Variants in TARBP2 observed in about 807,000 individuals in gnomAD.
TARBP2 encodes TARBP2 subunit of RISC loading complex.
TARBP2 carries 23 observed loss-of-function variants against 40.4 expected under a neutral mutation model. The observed-to-expected ratio is 0.57, with a 90% CI of 0.41 to 0.81. TARBP2 has a LOEUF of 0.81. Among genes scored for constraint, TARBP2 ranks in the 30% least tolerant of loss-of-function variants. TARBP2 has a pLI of 0.00. For missense variants in TARBP2, 358 were observed against 473.7 expected, an observed-to-expected ratio of 0.76 and a Z score of 2.27; for synonymous variants, 183 against 190.5, an observed-to-expected ratio of 0.96 and a Z score of 0.32.
At position 53,504,383 on chromosome 12, in the gene TARBP2, GCCTTTTCCTTCAGGAGCCCCCCCATGGAA is replaced by G. The variant is rs1943862075; in HGVS notation, c.423-12_439del. The stretch of plus-strand genomic sequence containing the variant: ...CCCTTCACCTCAACTTTGGCCCTGT[GCCTTTTCCTTCAGGAGCCCCCCCATGGAA>G]CTGCAGCCCCCTGTCTCCCCTCAGC... On this transcript the variant is annotated splice_acceptor_variant and splice_polypyrimidine_tract_variant and coding_sequence_variant and intron_variant, in exon 5 of 9. Coordinates refer to ENST00000266987, the MANE Select transcript of TARBP2 (RefSeq NM_134323.2). LOFTEE classifies it high-confidence loss of function. The G allele has an allele frequency of 6.4e-7, 1 of 1,550,914 alleles. No homozygotes were observed. Among genetic ancestry groups the G allele is most frequent in the African/African-American group, 1.4e-5 (1 of 72,290 alleles).
intron 3 of TARBP2, 66 bp downstream of exon 3, chr12:53,503,195 GC>G (rs1943797329): frequency 6.8e-6 from 10 of 1,473,552 alleles, no homozygotes; most frequent in Non-Finnish European, 9.0e-6. Flanking sequence ...CACCCACTCT[GC>G]CCCGAGGCCT....
rs1373114872 is a variant in TARBP2 at position 53,505,693 on chromosome 12, T to A, written c.786T>A (p.Gly262=). ...RLDGLRNRGP[G]CTWDSLRNSV... ...ATGGTCTTCGAAACCGGGGCCCAGGTTGCACCTGGGATTCTCTACGAAATT... is the reference window on the plus strand; with the variant it reads ...ATGGTCTTCGAAACCGGGGCCCAGGATGCACCTGGGATTCTCTACGAAATT... The change falls in exon 8 of 9, where the codon GGT becomes GGA. Residue 262 remains glycine (G), a synonymous_variant. Transcript: ENST00000266987. The surrounding 1 kb of genome is among the most constrained non-coding windows in gnomAD (Gnocchi z 4.5). 2 of 1,614,094 alleles carry A rather than the reference T, an allele frequency of 1.2e-6. No homozygotes were observed. Among genetic ancestry groups the A allele is most frequent in the African/African-American group, 2.7e-5 (2 of 75,016 alleles).
chr12:53,506,237 T>A lies in TARBP2; in HGVS notation c.*89T>A. 6.9e-7 allele frequency: 1 copy of A among 1,451,280 alleles called. No individual in the cohort carries two copies. The highest frequency in any genetic ancestry group is 9.3e-7 in the Non-Finnish European group (1 of 1,078,626). The allele number at this position is 1,451,280 out of a possible 1,614,324, so 89.9% of individuals were successfully genotyped here. ...GTATCTGCGCAGCTCTGGTACCCTC[T>A]GTGGGTGCCATCTCTACCTCTGACA... On this transcript the variant is annotated 3_prime_UTR_variant, in exon 9 of 9. Transcript: ENST00000266987.
At position 53,506,384 on chromosome 12, in the gene TARBP2, G is replaced by GCTGT; in HGVS notation, c.*239_*242dup. 1.8e-6 allele frequency: 1 copy of GCTGT among 569,322 alleles called. No homozygotes were observed. The highest frequency in any genetic ancestry group is 2.9e-5 in the East Asian group (1 of 34,748). The allele number at this position is 569,322 out of a possible 1,614,324, so 35.3% of individuals were successfully genotyped here. ...TGATGAATGGGAATGAAATCAGGGG[G>GCTGT]CTGTCTACTAGAGCCTGGAATAAAT... On this transcript the variant is annotated 3_prime_UTR_variant, in exon 9 of 9. Coordinates refer to ENST00000266987, the MANE Select transcript of TARBP2 (RefSeq NM_134323.2).
Position 53,505,105 on chromosome 12 carries a change from A to G in TARBP2, c.614-30A>G. On this transcript the variant is annotated intron_variant, in intron 6 of 8. Transcript: ENST00000266987. This position sits in a 1 kb window ranked among gnomAD's most constrained non-coding sequence, Gnocchi z 4.5. The stretch of plus-strand genomic sequence containing the variant: ...GGAAGCACTGGGTCTGTGGGGAATC[A>G]TAACCCAGCAGCCCTCTCTCCACAT... The G allele has an allele frequency of 6.3e-7, 1 of 1,580,348 alleles. No homozygotes were observed. The highest frequency in any genetic ancestry group is 1.1e-5 in the South Asian group (1 of 87,550).
chr12:53,506,062 G>T lies in TARBP2; in HGVS notation c.1015G>T (p.Gly339Cys), dbSNP rs753692741. The part of the protein sequence containing the change: ...LSTQPATVCH[G>C]SATTREAARG... ...CACCCAGCCGGCCACTGTGTGTCAT[G>T]GCTCTGCAACCACCAGGGAGGCAGC... Residue 339 changes from glycine to cysteine, a missense_variant, in exon 9 of 9, where the codon GGC (glycine) becomes TGC (cysteine). This residue lies in a region of TARBP2 where 317 missense variants were observed against 422.9 expected (regional missense o/e 0.75). Coordinates refer to ENST00000266987, the MANE Select transcript of TARBP2 (RefSeq NM_134323.2). 6.2e-7 allele frequency: 1 copy of T among 1,614,090 alleles called. No individual in the cohort carries two copies.
At chr12:53,502,238 C>T (rs979246823) in intron 2 of TARBP2, 54 bp downstream of exon 2, 4 of 1,593,898 alleles carry the variant, frequency 2.5e-6, no homozygotes, top group Admixed American at 1.7e-5. Flanking sequence ...GTCCCCATGG[C>T]TTTGTTTCTT....
rs1255501107 is a variant in TARBP2, at chr12:53,504,538, T to C, written c.495+69T>C. On this transcript the variant is annotated intron_variant, in intron 5 of 8. Transcript: ENST00000266987. ...AGCCAGGGGCCATGAGGGAAGGCTA[T>C]GTGTGTTTGGGGGTGGGGGCGGTTC... The C allele has an allele frequency of 2.5e-6, 4 of 1,603,392 alleles. No homozygotes were observed. The African/African-American group carries it at 5.4e-5, about 21-fold the overall frequency.
rs1463743576 is a variant in TARBP2, at chr12:53,505,748, A to C, written c.841A>C (p.Ser281Arg). The C allele has an allele frequency of 7.4e-6, 12 of 1,613,878 alleles. No homozygotes were observed. The East Asian group carries it at 2.7e-4, about 36-fold the overall frequency. Residue 281 changes from serine (S) to arginine (R), a missense_variant, in exon 8 of 9, where the codon AGT (serine) becomes CGT (arginine). By Grantham distance (110) the Ser-to-Arg change is moderately radical. Coordinates refer to ENST00000266987, the MANE Select transcript of TARBP2 (RefSeq NM_134323.2). This position sits in a 1 kb window ranked among gnomAD's most constrained non-coding sequence, Gnocchi z 4.5. ...AGGAGAGAAGATCCTGTCCCTCCGC[A>C]GTTGCTCCCTGGGCTCCCTGGGTGC... ...SVGEKILSLR[S>R]CSLGSLGALG...
At chr12:53,501,083 G>GGGCGCGGAAGGAAGGA, upstream of TARBP2, 1 of 390,436 alleles carries the variant, frequency 2.6e-6, no homozygotes, top group Non-Finnish European at 4.8e-6. Context: ...GGGAGAGAGG[G>GGGCGCGGAAGGAAGGA]GGCGCGGAAG....
chr12:53,506,111 C>T lies in TARBP2; in HGVS notation c.1064C>T (p.Ala355Val). 4 of 1,613,974 alleles carry T rather than the reference C, an allele frequency of 2.5e-6. No homozygotes were observed. Among genetic ancestry groups the T allele is most frequent in the Non-Finnish European group, 2.5e-6 (3 of 1,179,994 alleles). ...EAARGEAARR[A>V]LQYLKIMAGS... ...GCCCGTGGTGAGGCTGCCCGCCGTG[C>T]CCTGCAGTACCTCAAGATCATGGCA... The change falls in exon 9 of 9, where the codon GCC becomes GTC. Residue 355 changes from alanine (A) to valine (V), a missense_variant. By Grantham distance (64) the Ala-to-Val change is moderately conservative. Around this residue, in one of 3 missense-constraint regions of TARBP2, gnomAD observed 317 missense variants for 422.9 expected, o/e 0.75. Transcript: ENST00000266987.
At chr12:53,501,578 C>A in intron 1 of TARBP2, 117 bp downstream of exon 1, 2 of 1,497,842 alleles carry the variant, frequency 1.3e-6, no homozygotes, top group Non-Finnish European at 8.9e-7. Context: ...AGCACTGGGG[C>A]AGTGGGCAGT....
At position 53,501,346 on chromosome 12, in the gene TARBP2, G is replaced by C. The variant is rs992922068; in HGVS notation, c.-63G>C. Reference sequence around the variant, plus strand: ...GGCTTGGCCCCGGCCCTAGCTCGTCGGCTGTGTATTGGGGCGCGTGGAGGC... The same window carrying C: ...GGCTTGGCCCCGGCCCTAGCTCGTCCGCTGTGTATTGGGGCGCGTGGAGGC... On this transcript the variant is annotated 5_prime_UTR_variant, in exon 1 of 9. Coordinates refer to ENST00000266987, the MANE Select transcript of TARBP2 (RefSeq NM_134323.2). 2 of 1,541,714 alleles carry C rather than the reference G, an allele frequency of 1.3e-6. No individual in the cohort carries two copies. Among genetic ancestry groups the C allele is most frequent in the Non-Finnish European group, 8.8e-7 (1 of 1,139,622 alleles).
rs764228291 is a variant in TARBP2 at position 53,503,733 on chromosome 12, C to T, written c.347C>T (p.Ser116Phe). 16 of 1,614,006 alleles carry T rather than the reference C, an allele frequency of 9.9e-6. No individual in the cohort carries two copies. The East Asian group carries it at 2.0e-4, about 20-fold the overall frequency. The change falls in exon 4 of 9, where the codon TCT becomes TTT. Residue 116 changes from serine (S) to phenylalanine (F), a missense_variant. By Grantham distance (155) the Ser-to-Phe change is radical. Around this residue, in one of 3 missense-constraint regions of TARBP2, gnomAD observed 317 missense variants for 422.9 expected, o/e 0.75. Transcript: ENST00000266987. ...EDSSSFSPLD[S>F]SLPEDIPVFT... is the part of the protein sequence containing the mutation. ...GGAAGTTCTTTTTCTCCCCTAGACT[C>T]TTCACTGCCTGAGGACATTCCGGTT...
At chr12:53,501,816 T>TC in intron 1 of TARBP2, 199 bp from the exon 2 acceptor site, 1 of 1,316,930 alleles carries the variant, frequency 7.6e-7, no homozygotes. Context: ...CAATGCATTC[T>TC]TCCCCCCTTG....
chr12:53,501,925 C>T (rs1049834585), intron 1 of TARBP2, 90 bp from the exon 2 acceptor site: 3 of 1,541,698 alleles, frequency 1.9e-6, no homozygotes, highest in Non-Finnish European at 2.6e-6. Flanking sequence ...CCTATGTCCC[C>T]CATAATGTGC....
rs1943973629 is a variant in TARBP2 at position 53,506,067 on chromosome 12, T to G, written c.1020T>G (p.Ser340=). 1 of 1,613,948 alleles carries G rather than the reference T, an allele frequency of 6.2e-7. No homozygotes were observed. The highest frequency in any genetic ancestry group is 8.5e-7 in the Non-Finnish European group (1 of 1,180,018). The change falls in exon 9 of 9, where the codon TCT becomes TCG. Residue 340 remains serine, a synonymous_variant. Coordinates refer to ENST00000266987, the MANE Select transcript of TARBP2 (RefSeq NM_134323.2). The stretch of plus-strand genomic sequence containing the variant: ...AGCCGGCCACTGTGTGTCATGGCTC[T>G]GCAACCACCAGGGAGGCAGCCCGTG... ...STQPATVCHG[S]ATTREAARGE... is the part of the protein sequence containing the mutation.
rs1943915450 is a variant in TARBP2, at chr12:53,505,196, GC to G, written c.676del (p.His226ThrfsTer47). The G allele has an allele frequency of 1.9e-6, 3 of 1,611,424 alleles. No individual in the cohort carries two copies. The highest frequency in any genetic ancestry group is 2.5e-6 in the Non-Finnish European group (3 of 1,177,826). On this transcript the variant is annotated frameshift_variant, in exon 7 of 9. Coordinates refer to ENST00000266987, the MANE Select transcript of TARBP2 (RefSeq NM_134323.2). LOFTEE classifies it high-confidence loss of function. The surrounding 1 kb of genome is among the most constrained non-coding windows in gnomAD (Gnocchi z 4.5). ...CGGCGGCCAAAATGCTGCTTCGAGT[GC>G]ACACGGTGCCTCTGGATGCCCGGGA... The part of the protein sequence containing the change: ...NAAAKMLLRV[H>X]TVPLDARDGN...
intron 5 of TARBP2, 63 bp downstream of exon 5, chr12:53,504,532 A>G: frequency 4.4e-6 from 7 of 1,601,562 alleles, no homozygotes; most frequent in Non-Finnish European, 6.0e-6. Context: ...CCATGAGGGA[A>G]GGCTATGTGT....
Sources: gnomAD v4.1 joint callset for allele counts on GRCh38, gnomAD v4.1.1 for gene constraint, gnomAD v4.1.1 regional missense constraint, Gnocchi (gnomAD v3.1) non-coding constraint, MANE v1.5 for transcripts, NCBI Gene and HGNC (gene_info 2026-07-23, HGNC 2026-07-21) for gene names.